GALNT13: variants seen among roughly 807,000 people sequenced by gnomAD.
The protein encoded by GALNT13 is polypeptide N-acetylgalactosaminyltransferase 13, also known as UDP-GalNAc:polypeptide N-acetylgalactosaminyltransferase 13.
Under a neutral mutation model 64.2 loss-of-function variants are expected in GALNT13, and 28 were observed. The observed-to-expected ratio is 0.44, with a 90% CI of 0.32 to 0.60. GALNT13 has a LOEUF of 0.60. Ranked by LOEUF, GALNT13 falls within the 20% of genes least tolerant of loss-of-function variation. The probability of loss-of-function intolerance (pLI) is 0.05; values close to 1 mark genes in which losing one functional copy is unlikely to be tolerated. For missense variants in GALNT13, 577 were observed against 669.8 expected (o/e 0.86, Z 1.53); for synonymous variants, 214 against 224.6 (o/e 0.95, Z 0.42).
At chr2:153,111,297 A>G in the GALNT13 span, among the ~76,000 whole-genome samples, 1 of 152,136 alleles carries the variant, frequency 6.6e-6, no homozygotes, top group Non-Finnish European at 1.5e-5. Flanking sequence ...ATACTAGGAT[A>G]ACAGTAAAAA....
At chr2:153,831,494 T>C in the GALNT13 span, among the ~76,000 whole-genome samples, 1 of 152,168 alleles carries the variant, frequency 6.6e-6, no homozygotes, top group Non-Finnish European at 1.5e-5. Flanking sequence ...CAGCAATTCC[T>C]TCTTGTAGCA....
the GALNT13 span, among the ~76,000 whole-genome samples, chr2:153,706,966 T>A: frequency 6.6e-6 from 1 of 152,182 alleles, no homozygotes; most frequent in East Asian, 1.9e-4. Flanking sequence ...GGGAGGTAAT[T>A]GAATCATGGT....
At chr2:153,566,511 C>A in the GALNT13 span, among the ~76,000 whole-genome samples, 1 of 151,920 alleles carries the variant, frequency 6.6e-6, no homozygotes, top group East Asian at 1.9e-4. Flanking sequence ...CCTGCCACCG[C>A]GCCCGGCTAA....
At chr2:153,985,886 A>G (rs1447599769) in intron 3 of GALNT13, among the ~76,000 whole-genome samples, 1 of 152,070 alleles carries the variant, frequency 6.6e-6, no homozygotes, top group Non-Finnish European at 1.5e-5. Context: ...TTTATTGGAA[A>G]TCTTTGGCTG....
chr2:153,281,689 T>G, the GALNT13 span, among the ~76,000 whole-genome samples: 1 of 152,154 alleles, frequency 6.6e-6, no homozygotes, highest in African/African-American at 2.4e-5. Flanking sequence ...GTTGAAATTT[T>G]TTTTTCTTTA....
intron 3 of GALNT13, among the ~76,000 whole-genome samples, chr2:153,997,577 T>G (rs1010744746): frequency 1.3e-5 from 2 of 152,192 alleles, no homozygotes; most frequent in African/African-American, 4.8e-5. Flanking sequence ...TTTGTGGTGG[T>G]ATTTTTAGTA....
the GALNT13 span, among the ~76,000 whole-genome samples, chr2:153,397,920 A>T: frequency 0.72 from 108,411 of 151,376 alleles, 39,658 homozygotes; most frequent in Middle Eastern, 0.78. Context: ...GATTTTTTTT[A>T]ATTTATTTTT....
chr2:153,762,126 A>G, the GALNT13 span: 2 of 152,246 alleles, frequency 1.3e-5, no homozygotes, highest in African/African-American at 4.8e-5. Flanking sequence ...CATAGAGACT[A>G]AGTATGCTGA....
At chr2:153,981,584 A>G (rs1251017862) in intron 3 of GALNT13, among the ~76,000 whole-genome samples, 8 of 152,096 alleles carry the variant, frequency 5.3e-5, no homozygotes, top group Non-Finnish European at 7.4e-5. Flanking sequence ...TCCCTGATGT[A>G]TATATGCCAC....
the GALNT13 span, among the ~76,000 whole-genome samples, chr2:153,532,954 A>G: frequency 2.0e-5 from 3 of 152,208 alleles, no homozygotes; most frequent in Admixed American, 2.0e-4. Flanking sequence ...GGGGATGGAT[A>G]TTCTATTCTC....
At chr2:154,204,431 G>A (rs996879067) in intron 4 of GALNT13, among the ~76,000 whole-genome samples, 1 of 151,974 alleles carries the variant, frequency 6.6e-6, no homozygotes, top group Non-Finnish European at 1.5e-5. Context: ...TACATTTCAA[G>A]GCACGATAAC....
At chr2:154,302,458 A>G (rs1450316049) in intron 9 of GALNT13, among the ~76,000 whole-genome samples, 1 of 152,210 alleles carries the variant, frequency 6.6e-6, no homozygotes. Flanking sequence ...AATACAATCT[A>G]TTAGCTGGCT....
intron 3 of GALNT13, among the ~76,000 whole-genome samples, chr2:154,068,984 G>A (rs1700606568): frequency 6.6e-6 from 1 of 151,898 alleles, no homozygotes; most frequent in African/African-American, 2.4e-5. Flanking sequence ...ATTATGCATT[G>A]TGTGCCTATA....
chr2:153,307,796 A>C, the GALNT13 span, among the ~76,000 whole-genome samples: 161 of 152,300 alleles, frequency 1.1e-3, 1 homozygote, highest in African/African-American at 3.8e-3. Flanking sequence ...TACCACTTTG[A>C]AAATGTAATT....
the GALNT13 span, chr2:153,446,937 T>A: frequency 6.6e-6 from 1 of 152,196 alleles, no homozygotes; most frequent in Admixed American, 6.5e-5. Context: ...ATAGAAAATA[T>A]CAGAGTTTAT....
At chr2:154,175,117 T>C (rs1389472935) in intron 4 of GALNT13, among the ~76,000 whole-genome samples, 1 of 152,158 alleles carries the variant, frequency 6.6e-6, no homozygotes, top group African/African-American at 2.4e-5. Context: ...GGTTTTCTAA[T>C]CTTTGAAAGA....
chr2:154,001,660 A>C (rs917173969), intron 3 of GALNT13, among the ~76,000 whole-genome samples: 1 of 151,972 alleles, frequency 6.6e-6, no homozygotes, highest in Admixed American at 6.6e-5. Context: ...ATAATTAATA[A>C]TTTTTGTTTT....
At chr2:153,140,386 A>T in the GALNT13 span, among the ~76,000 whole-genome samples, 6 of 152,062 alleles carry the variant, frequency 3.9e-5, no homozygotes, top group Non-Finnish European at 7.4e-5. Context: ...TATACAACAA[A>T]GGACAGGTTG....
chr2:153,856,119 G>T, the GALNT13 span, among the ~76,000 whole-genome samples: 1 of 152,114 alleles, frequency 6.6e-6, no homozygotes, highest in Non-Finnish European at 1.5e-5. Flanking sequence ...TTATTTGGGG[G>T]TGATGAAAAT....
Sources: gnomAD v4.1 joint callset for allele counts (sites outside exome capture counted in the v4.1 genomes callset) on GRCh38, gnomAD v4.1.1 for gene constraint, MANE v1.5 for transcripts, NCBI Gene and HGNC (gene_info 2026-07-23, HGNC 2026-07-21) for gene names.